RARB: variants seen among roughly 807,000 people sequenced by gnomAD.
RARB encodes retinoic acid receptor beta.
RARB carries 17 observed loss-of-function variants against 51.9 expected under a neutral mutation model. The ratio of observed to expected loss-of-function variants is 0.33; its 90% CI spans 0.22 to 0.49. The LOEUF (loss-of-function observed/expected upper bound fraction) is 0.49. RARB is among the 20% of genes least tolerant of loss of function. RARB has a pLI of 0.99. For missense variants in RARB, 369 were observed against 550.8 expected (o/e 0.67, Z 3.30); for synonymous variants, 215 against 195.4 (o/e 1.10, Z -0.84).
intron 2 of RARB, among the ~76,000 whole-genome samples, chr3:25,045,474 C>G (rs144975667): frequency 5.2e-4 from 79 of 152,310 alleles, no homozygotes; most frequent in African/African-American, 1.8e-3. Context: ...AAAGCCAGAG[C>G]TCCCTCCCTC....
At chr3:24,979,174 AT>A (rs1696584238) in intron 2 of RARB, among the ~76,000 whole-genome samples, 3 of 152,150 alleles carry the variant, frequency 2.0e-5, no homozygotes, top group East Asian at 3.9e-4. Flanking sequence ...ACTTCCAATT[AT>A]GTAGTCAATT....
chr3:25,439,551 G>A (rs1708573903), intron 1 of RARB, among the ~76,000 whole-genome samples: 1 of 152,022 alleles, frequency 6.6e-6, no homozygotes, highest in Non-Finnish European at 1.5e-5. Flanking sequence ...GACTACAGGT[G>A]TGTGTCATCA....
At chr3:24,895,045 G>T (rs990855360) in intron 2 of RARB, among the ~76,000 whole-genome samples, 1 of 152,324 alleles carries the variant, frequency 6.6e-6, no homozygotes, top group Admixed American at 6.5e-5. Context: ...GGATAGAAAT[G>T]ATTGATATAA....
intron 1 of RARB, among the ~76,000 whole-genome samples, chr3:25,441,999 T>C (rs867288928): frequency 6.6e-6 from 1 of 152,216 alleles, no homozygotes; most frequent in African/African-American, 2.4e-5. Flanking sequence ...TTTCCAATGA[T>C]GGAAAGGATC....
At chr3:25,148,501 T>C (rs915572489) in intron 4 of RARB, among the ~76,000 whole-genome samples, 1 of 152,358 alleles carries the variant, frequency 6.6e-6, no homozygotes, top group South Asian at 2.1e-4. Context: ...TACTGGATCT[T>C]CTTTGAGTTT....
chr3:24,940,388 G>C (rs573780324), intron 2 of RARB, among the ~76,000 whole-genome samples: 2 of 152,086 alleles, frequency 1.3e-5, no homozygotes, highest in African/African-American at 4.8e-5. Flanking sequence ...GTGTGGAAAG[G>C]GAGGAACGAT....
chr3:25,183,912 C>A (rs1332293839), intron 5 of RARB, among the ~76,000 whole-genome samples: 1 of 152,050 alleles, frequency 6.6e-6, no homozygotes, highest in East Asian at 1.9e-4. Context: ...TTATATCTGT[C>A]CCCATTAGTT....
intron 4 of RARB, among the ~76,000 whole-genome samples, chr3:25,165,433 C>T (rs953762501): frequency 1.3e-5 from 2 of 152,120 alleles, no homozygotes; most frequent in Non-Finnish European, 2.9e-5. Flanking sequence ...GATGGGTCAA[C>T]ATCCAATGTG....
rs546707983 is a variant in RARB at position 25,294,667 on chromosome 3, G to A, written c.178+120092G>A. On this transcript the variant is annotated intron_variant, in intron 5 of 11. Coordinates refer to the RARB transcript ENST00000383772. ...GTCACTGTGGGAGAAGCCACCTAAG[G>A]CAGAGGGAGAGAGGAGAGAGACCAT... 5.4e-5 allele frequency among the ~76,000 whole-genome samples: 8 copies of A among 149,284 alleles called. No homozygotes were observed. The East Asian group carries it at 1.2e-3, about 22-fold the overall frequency.
At chr3:25,284,754 A>G (rs891671269) in intron 5 of RARB, among the ~76,000 whole-genome samples, 1 of 152,210 alleles carries the variant, frequency 6.6e-6, no homozygotes, top group Non-Finnish European at 1.5e-5. Context: ...TGAACTGCGC[A>G]AGTCCGCTTA....
chr3:24,847,734 A>G (rs998705711), intron 1 of RARB, among the ~76,000 whole-genome samples: 1 of 152,210 alleles, frequency 6.6e-6, no homozygotes, highest in Non-Finnish European at 1.5e-5. Flanking sequence ...CAGCTTTAAA[A>G]TGTGAATCAC....
At chr3:24,848,069 AAAATTGTT>A (rs1702507560) in intron 1 of RARB, among the ~76,000 whole-genome samples, 1 of 152,150 alleles carries the variant, frequency 6.6e-6, no homozygotes, top group African/African-American at 2.4e-5. Context: ...TTAAATTTTT[AAAATTGTT>A]TTGAGACGGT....
At chr3:25,430,795 T>C (rs1708173159) in intron 1 of RARB, among the ~76,000 whole-genome samples, 1 of 152,218 alleles carries the variant, frequency 6.6e-6, no homozygotes, top group African/African-American at 2.4e-5. Flanking sequence ...CTTATTTTTG[T>C]AAGCAGGGCA....
chr3:25,234,629 T>G (rs1212786389), intron 5 of RARB, among the ~76,000 whole-genome samples: 1 of 150,080 alleles, frequency 6.7e-6, no homozygotes, highest in East Asian at 1.9e-4. Flanking sequence ...TCTGCTTCAC[T>G]TCTCTTTTCC....
chr3:25,040,505 G>A (rs908647726), intron 2 of RARB, among the ~76,000 whole-genome samples: 8 of 152,078 alleles, frequency 5.3e-5, no homozygotes, highest in Non-Finnish European at 1.0e-4. Flanking sequence ...GGCCTAGGTC[G>A]GCAGATCGCT....
chr3:25,575,383 C>A (rs920366360), intron 4 of RARB, among the ~76,000 whole-genome samples: 1 of 152,178 alleles, frequency 6.6e-6, no homozygotes, highest in Non-Finnish European at 1.5e-5. Flanking sequence ...GACTGCATAC[C>A]TACTGTGTTA....
intron 5 of RARB, among the ~76,000 whole-genome samples, chr3:25,390,514 C>T (rs1048647296): frequency 6.6e-5 from 10 of 152,096 alleles, no homozygotes; most frequent in Non-Finnish European, 1.3e-4. Flanking sequence ...ACTGGGTGAA[C>T]GACAGCCTGT....
chr3:25,175,681 C>A (rs1393428246), intron 5 of RARB, among the ~76,000 whole-genome samples: 1 of 152,254 alleles, frequency 6.6e-6, no homozygotes, highest in Non-Finnish European at 1.5e-5. Flanking sequence ...GATAGACTTG[C>A]ACTTTTGGGA....
intron 5 of RARB, among the ~76,000 whole-genome samples, chr3:25,390,051 G>A (rs928911009): frequency 3.3e-5 from 5 of 152,124 alleles, no homozygotes; most frequent in African/African-American, 9.7e-5. Flanking sequence ...TTATCTTATC[G>A]AGTGCTGTTG....
Sources: allele counts gnomAD v4.1 joint callset (sites outside exome capture counted in the v4.1 genomes callset), GRCh38; gene constraint gnomAD v4.1.1; transcripts MANE v1.5; gene names NCBI Gene and HGNC (gene_info 2026-07-23, HGNC 2026-07-21).